Variants in GABRA2 observed in about 807,000 individuals in gnomAD.
GABRA2 encodes the protein gamma-aminobutyric acid type A receptor subunit alpha2.
A neutral mutation model predicts 48.7 loss-of-function variants in GABRA2; 16 were observed. That is an observed-to-expected ratio of 0.33 (90% CI 0.22 to 0.50). The LOEUF is 0.50. GABRA2 is among the 20% of genes least tolerant of loss of function. The pLI is 0.98. For synonymous variants in GABRA2, 185 were observed against 184.5 expected (o/e 1.00, Z -0.02); for missense variants, 275 against 535.6 (o/e 0.51, Z 4.80).
intron 3 of GABRA2, among the ~76,000 whole-genome samples, chr4:46,362,441 A>G (rs547054893): frequency 2.0e-5 from 3 of 152,252 alleles, no homozygotes; most frequent in African/African-American, 2.4e-5. Flanking sequence ...TCTTTTGTGA[A>G]TTGCCCAGTC....
At chr4:46,292,162 G>T (rs1723790902) in intron 8 of GABRA2, among the ~76,000 whole-genome samples, 1 of 152,060 alleles carries the variant, frequency 6.6e-6, no homozygotes. Flanking sequence ...TAAAGAAGTT[G>T]GTTGGCTGCT....
At chr4:46,301,577 C>T (rs1725739256) in intron 8 of GABRA2, among the ~76,000 whole-genome samples, 1 of 152,154 alleles carries the variant, frequency 6.6e-6, no homozygotes, top group South Asian at 2.1e-4. Context: ...AATGTCACTG[C>T]ACAATCTATT....
At position 46,269,113 on chromosome 4, in the gene GABRA2, T is replaced by C. The variant is rs531325567; in HGVS notation, c.857-6985A>G. ...GATAGGAAGAATAATTTTGATGTTT[T>C]TTTGAGAACAGTTGCAGAGTATGGT... is the stretch of plus-strand genomic sequence containing the variant. On this transcript the variant is annotated intron_variant, in intron 8 of 9. Coordinates refer to ENST00000381620, the MANE Select transcript of GABRA2 (RefSeq NM_000807.4). 5.9e-5 allele frequency among the ~76,000 whole-genome samples: 9 copies of C among 151,980 alleles called. No individual in the cohort carries two copies. In the South Asian group the frequency reaches 1.9e-3, roughly 32 times the overall value.
intron 3 of GABRA2, among the ~76,000 whole-genome samples, chr4:46,352,119 T>C (rs776114337): frequency 6.6e-6 from 1 of 152,056 alleles, no homozygotes; most frequent in Non-Finnish European, 1.5e-5. Flanking sequence ...CATGTTTGCC[T>C]TCACTGAACT....
chr4:46,338,636 C>T (rs934930005), intron 3 of GABRA2, among the ~76,000 whole-genome samples: 2 of 151,742 alleles, frequency 1.3e-5, no homozygotes, highest in Non-Finnish European at 2.9e-5. Context: ...TTCTGTCGTC[C>T]ATATGTGTGC....
intron 8 of GABRA2, among the ~76,000 whole-genome samples, chr4:46,268,414 G>A (rs73131348): frequency 0.051 from 7,680 of 151,854 alleles, 658 homozygotes; most frequent in African/African-American, 0.17. Context: ...AAGGGAAGAC[G>A]TTAATAGTTG....
intron 3 of GABRA2, among the ~76,000 whole-genome samples, chr4:46,351,909 T>C (rs928689842): frequency 1.3e-5 from 2 of 152,036 alleles, no homozygotes; most frequent in Non-Finnish European, 2.9e-5. Context: ...CACCATATCT[T>C]CTTATAAAAG....
At chr4:46,261,647 G>A (rs560394844) in intron 9 of GABRA2, 8 of 520,732 alleles carry the variant, frequency 1.5e-5, no homozygotes, top group African/African-American at 1.5e-4. Context: ...TAGTCATAAG[G>A]ATGCTATAAA....
intron 3 of GABRA2, among the ~76,000 whole-genome samples, chr4:46,381,723 A>G (rs1716781033): frequency 6.6e-6 from 1 of 152,220 alleles, no homozygotes; most frequent in Non-Finnish European, 1.5e-5. Flanking sequence ...TAAGTCATAG[A>G]TGGGATAAAT....
intron 4 of GABRA2, among the ~76,000 whole-genome samples, chr4:46,314,404 A>G (rs1728194224): frequency 6.6e-6 from 1 of 152,298 alleles, no homozygotes; most frequent in South Asian, 2.1e-4. Flanking sequence ...TCAATCACAT[A>G]GGAGATACTT....
chr4:46,377,427 C>T (rs964813711), intron 3 of GABRA2, among the ~76,000 whole-genome samples: 2 of 151,342 alleles, frequency 1.3e-5, no homozygotes, highest in Admixed American at 6.6e-5. Flanking sequence ...CCCAGCCGCC[C>T]CGTCTGAGAA....
At position 46,249,359 on chromosome 4, in the gene GABRA2, C is replaced by T. The variant is rs931608940; in HGVS notation, c.*949G>A. 6.6e-6 allele frequency: 1 copy of T among 151,226 alleles called. No individual in the cohort carries two copies. Among genetic ancestry groups the T allele is most frequent in the African/African-American group, 2.4e-5 (1 of 41,254 alleles). 9.4% of individuals were successfully genotyped at this position (151,226 alleles called of 1,614,324 possible). A position where few individuals can be genotyped will look rare whatever the true frequency, so the allele number is the denominator to read the frequency against. On this transcript the variant is annotated 3_prime_UTR_variant, in exon 10 of 10. Transcript: ENST00000381620. Reference sequence around the variant, plus strand: ...TGCAGTAAACAGGAAAGAGGAGAATCATATAAGTGTTTGTCATAGTGTGGG... The same window carrying T: ...TGCAGTAAACAGGAAAGAGGAGAATTATATAAGTGTTTGTCATAGTGTGGG...
At chr4:46,368,391 C>G (rs985372862) in intron 3 of GABRA2, 1 of 152,054 alleles carries the variant, frequency 6.6e-6, no homozygotes, top group African/African-American at 2.4e-5. Context: ...TTCCCTTTAA[C>G]TTAAAAGAGT....
chr4:46,328,147 T>C (rs1730697569), intron 4 of GABRA2, among the ~76,000 whole-genome samples: 1 of 152,028 alleles, frequency 6.6e-6, no homozygotes, highest in Non-Finnish European at 1.5e-5. Context: ...ATTAATTACC[T>C]CCTTATGTTG....
intron 3 of GABRA2, among the ~76,000 whole-genome samples, chr4:46,362,043 G>A (rs554856688): frequency 6.6e-6 from 1 of 152,318 alleles, no homozygotes; most frequent in East Asian, 1.9e-4. Flanking sequence ...TGTCTCGGAT[G>A]AGACTTTGGA....
chr4:46,256,322 G>T, intron 9 of GABRA2: 1 of 692,556 alleles, frequency 1.4e-6, no homozygotes. Context: ...TTGAAGAATT[G>T]CTTTCACTGA....
chr4:46,353,955 A>C (rs534616236), intron 3 of GABRA2, among the ~76,000 whole-genome samples: 31 of 152,296 alleles, frequency 2.0e-4, no homozygotes, highest in Non-Finnish European at 3.7e-4. Flanking sequence ...GTTCACTGAT[A>C]AATTTCAATG....
At chr4:46,320,308 A>G (rs1408882036) in intron 4 of GABRA2, among the ~76,000 whole-genome samples, 1 of 151,900 alleles carries the variant, frequency 6.6e-6, no homozygotes, top group Non-Finnish European at 1.5e-5. Context: ...CTAAAGACCT[A>G]AAGGTAAGAC....
At chr4:46,260,347 A>G (rs1306755405) in intron 9 of GABRA2, among the ~76,000 whole-genome samples, 1 of 151,934 alleles carries the variant, frequency 6.6e-6, no homozygotes, top group African/African-American at 2.4e-5. Flanking sequence ...GTAATTTGGC[A>G]TATGGATAGA....
Sources: gnomAD v4.1 joint callset for allele counts (sites outside exome capture counted in the v4.1 genomes callset) on GRCh38, gnomAD v4.1.1 for gene constraint, MANE v1.5 for transcripts, NCBI Gene and HGNC (gene_info 2026-07-23, HGNC 2026-07-21) for gene names.